Variants in HTR2C observed in about 807,000 individuals in gnomAD.
HTR2C encodes 5-hydroxytryptamine receptor 2C, also known as 5-hydroxytryptamine (serotonin) receptor 2C, G protein-coupled.
In HTR2C, 5 loss-of-function variants were observed where a neutral mutation model predicts 21.0. The ratio of observed to expected loss-of-function variants is 0.24; its 90% CI spans 0.12 to 0.50. HTR2C has a LOEUF of 0.50. HTR2C is among the 20% of genes least tolerant of loss of function. HTR2C has a pLI of 0.98. For synonymous variants in HTR2C, 150 were observed against 145.3 expected (o/e 1.03, Z -0.23); for missense variants, 271 against 371.2 (o/e 0.73, Z 2.22).
In HTR2C at chrX:114,729,262, C is replaced by T. The variant is rs151034366; in HGVS notation, c.36-2032C>T. On this transcript the variant is annotated intron_variant, in intron 3 of 5. Transcript: ENST00000276198. ...AACATAAAATGCTTTTGTTTAACTA[C>T]AAAGCAGACAGAAGGTACCTCCAGC... 4.8e-3 allele frequency among the ~76,000 whole-genome samples: 541 copies of T among 111,936 alleles called. 4 individuals are homozygous for T. The highest frequency in any genetic ancestry group is 0.016 in the African/African-American group (504 of 30,892).
chrX:114,899,884 C>T (rs1413888359), intron 5 of HTR2C, among the ~76,000 whole-genome samples: 3 of 111,653 alleles, frequency 2.7e-5, no homozygotes, highest in African/African-American at 9.8e-5. Context: ...CTTTAGTTGA[C>T]ATGAAAAAGT....
In HTR2C at chrX:114,729,237, A is replaced by G. The variant is rs1329323436; in HGVS notation, c.36-2057A>G. ...GAAATACATGAGTTGGGATATAGCA[A>G]ACATAAAATGCTTTTGTTTAACTAC... On this transcript the variant is annotated intron_variant, in intron 3 of 5. Transcript: ENST00000276198. Among the ~76,000 whole-genome samples the G allele has an allele frequency of 4.5e-5, 5 of 112,138 alleles. No homozygotes were observed. The Admixed American group carries it at 4.7e-4, about 11-fold the overall frequency.
At chrX:114,891,468 G>T (rs2071258508) in intron 5 of HTR2C, among the ~76,000 whole-genome samples, 1 of 109,482 alleles carries the variant, frequency 9.1e-6, no homozygotes, top group African/African-American at 3.3e-5. Flanking sequence ...TAAAACCTGT[G>T]TCCCCCACAT....
At chrX:114,599,745 G>T (rs73638444) in intron 1 of HTR2C, among the ~76,000 whole-genome samples, 10 of 112,090 alleles carry the variant, frequency 8.9e-5, no homozygotes, top group African/African-American at 3.2e-4. Context: ...AAATTAAATT[G>T]AAACATTCAC....
chrX:114,613,250 T>A (rs1054784785), intron 1 of HTR2C, among the ~76,000 whole-genome samples: 1 of 111,745 alleles, frequency 8.9e-6, no homozygotes, highest in African/African-American at 3.3e-5. Context: ...TGGTTGCCCA[T>A]TTTTATGGTT....
At chrX:114,856,465 A>G (rs998823366) in intron 5 of HTR2C, among the ~76,000 whole-genome samples, 25 of 100,546 alleles carry the variant, frequency 2.5e-4, no homozygotes, top group Admixed American at 6.6e-4. Context: ...GAATTGGAAA[A>G]AACTACTTTA....
chrX:114,632,119 T>C lies in HTR2C; in HGVS notation c.-80+18238T>C, dbSNP rs781903308. Among the ~76,000 whole-genome samples the C allele has an allele frequency of 1.3e-3, 149 of 112,562 alleles. 1 individual carries two copies. Among genetic ancestry groups the C allele is most frequent in the Non-Finnish European group, 2.3e-3 (125 of 53,312 alleles). ...TGGAGGCAAGCTTTAGAAGATTGAATGTCATAGTTTTAGCACTGTATAAAA... is the reference window on the plus strand; with the variant it reads ...TGGAGGCAAGCTTTAGAAGATTGAACGTCATAGTTTTAGCACTGTATAAAA... On this transcript the variant is annotated intron_variant, in intron 2 of 5. Transcript: ENST00000276198.
intron 4 of HTR2C, among the ~76,000 whole-genome samples, chrX:114,821,482 T>A (rs993711091): frequency 2.7e-5 from 3 of 111,684 alleles, no homozygotes; most frequent in Non-Finnish European, 5.6e-5. Context: ...TTTTATAGGT[T>A]ATATCCTATA....
intron 4 of HTR2C, among the ~76,000 whole-genome samples, chrX:114,846,275 C>T (rs1556467437): frequency 9.0e-6 from 1 of 111,697 alleles, no homozygotes; most frequent in Non-Finnish European, 1.9e-5. Context: ...TCTTCTCAAA[C>T]TCTTCTAAAA....
At chrX:114,819,949 A>G (rs2070617015) in intron 4 of HTR2C, among the ~76,000 whole-genome samples, 2 of 111,554 alleles carry the variant, frequency 1.8e-5, no homozygotes, top group African/African-American at 6.5e-5. Flanking sequence ...ATAATCTAAT[A>G]TCTTATTGTC....
chrX:114,586,800 A>G (rs1297336009), intron 1 of HTR2C, among the ~76,000 whole-genome samples: 2 of 110,811 alleles, frequency 1.8e-5, no homozygotes, highest in East Asian at 5.7e-4. Flanking sequence ...ATATATATAC[A>G]TAAAATATAT....
intron 4 of HTR2C, among the ~76,000 whole-genome samples, chrX:114,806,232 AC>A (rs1325426357): frequency 1.0e-5 from 1 of 100,020 alleles, no homozygotes; most frequent in Non-Finnish European, 2.0e-5. Context: ...CCATATATAT[AC>A]CATATATATA....
At chrX:114,805,824 CATATATATACCATATATACCAT>C (rs1569495604) in intron 4 of HTR2C, among the ~76,000 whole-genome samples, 3 of 87,004 alleles carry the variant, frequency 3.4e-5, no homozygotes, top group African/African-American at 1.6e-4. Flanking sequence ...ATATATATAC[CATATATATACCATATATACCAT>C]ATATATACCA....
At chrX:114,755,659 T>C (rs1399842287) in intron 4 of HTR2C, among the ~76,000 whole-genome samples, 1 of 111,453 alleles carries the variant, frequency 9.0e-6, no homozygotes, top group East Asian at 2.8e-4. Flanking sequence ...ACTTGGCTAT[T>C]TTTTGGGGGG....
At chrX:114,598,042 T>G (rs909939312) in intron 1 of HTR2C, among the ~76,000 whole-genome samples, 2 of 111,687 alleles carry the variant, frequency 1.8e-5, no homozygotes, top group African/African-American at 6.5e-5. Flanking sequence ...CAATACTTAA[T>G]TCTGATCTTT....
At chrX:114,700,602 C>G (rs1334760714) in intron 2 of HTR2C, among the ~76,000 whole-genome samples, 1 of 112,524 alleles carries the variant, frequency 8.9e-6, no homozygotes, top group East Asian at 2.8e-4. Flanking sequence ...ATAGGAACAG[C>G]TCCAGTCTAC....
At chrX:114,779,665 G>A (rs73569290) in intron 4 of HTR2C, among the ~76,000 whole-genome samples, 12 of 111,937 alleles carry the variant, frequency 1.1e-4, no homozygotes, top group East Asian at 2.8e-4. Flanking sequence ...GGATATTTTC[G>A]TAGTCAGGTA....
At chrX:114,702,738 A>G (rs1448983479) in intron 2 of HTR2C, among the ~76,000 whole-genome samples, 2 of 107,292 alleles carry the variant, frequency 1.9e-5, no homozygotes, top group African/African-American at 6.7e-5. Flanking sequence ...AATGGACTAA[A>G]TGCTCCAATT....
chrX:114,634,700 A>G (rs1275900258), intron 2 of HTR2C, among the ~76,000 whole-genome samples: 1 of 111,057 alleles, frequency 9.0e-6, no homozygotes, highest in African/African-American at 3.3e-5. Context: ...TGTCCCAACT[A>G]CTAGGGAGGC....
Sources: gnomAD v4.1 joint callset for allele counts (sites outside exome capture counted in the v4.1 genomes callset) on GRCh38, gnomAD v4.1.1 for gene constraint, MANE v1.5 for transcripts, NCBI Gene and HGNC (gene_info 2026-07-23, HGNC 2026-07-21) for gene names.